Variants in ALK observed in about 807,000 individuals in gnomAD.
ALK encodes ALK receptor tyrosine kinase, also known as ALK tyrosine kinase receptor.
ALK carries 74 observed loss-of-function variants against 163.1 expected under a neutral mutation model. That is an observed-to-expected ratio of 0.45 (90% confidence interval 0.38 to 0.55). The LOEUF is 0.55. Among genes scored for constraint, ALK ranks in the 20% least tolerant of loss-of-function variants. The pLI is 0.00. For missense variants in ALK, 2,063 were observed against 2,105.3 expected (o/e 0.98, Z 0.39); for synonymous variants, 960 against 843.2 (o/e 1.14, Z -2.40).
intron 11 of ALK, among the ~76,000 whole-genome samples, chr2:29,269,999 A>T (rs1170759177): frequency 6.6e-6 from 1 of 152,250 alleles, no homozygotes. Flanking sequence ...TAACATAAGA[A>T]GCCAGATCCC....
At chr2:29,776,509 T>C (rs992761651) in intron 1 of ALK, among the ~76,000 whole-genome samples, 43 of 152,186 alleles carry the variant, frequency 2.8e-4, no homozygotes, top group African/African-American at 1.0e-3. Flanking sequence ...AGGGCTAATT[T>C]GTCCCTCTCG....
At chr2:29,700,218 A>G (rs1383794541) in intron 2 of ALK, among the ~76,000 whole-genome samples, 3 of 152,258 alleles carry the variant, frequency 2.0e-5, no homozygotes, top group South Asian at 4.2e-4. Flanking sequence ...ATCACACTCA[A>G]TGGGGACTTG....
intron 23 of ALK, among the ~76,000 whole-genome samples, chr2:29,217,875 C>T (rs1669684194): frequency 9.4e-6 from 1 of 106,608 alleles, no homozygotes; most frequent in Non-Finnish European, 1.9e-5. Context: ...ACTTTCTCTT[C>T]ATGGCACATG....
intron 1 of ALK, among the ~76,000 whole-genome samples, chr2:29,869,437 A>G (rs1418463564): frequency 3.9e-5 from 6 of 152,188 alleles, no homozygotes; most frequent in Admixed American, 3.9e-4. Context: ...CCTAACAGAG[A>G]TCAGCAGAAA....
At chr2:29,512,602 C>T (rs1573417194) in intron 4 of ALK, among the ~76,000 whole-genome samples, 1 of 148,248 alleles carries the variant, frequency 6.7e-6, no homozygotes. Context: ...CAGGGATGCC[C>T]TCTCTCACCA....
intron 5 of ALK, among the ~76,000 whole-genome samples, chr2:29,357,390 G>A (rs538057211): frequency 2.5e-4 from 38 of 152,290 alleles, no homozygotes; most frequent in South Asian, 1.7e-3. Flanking sequence ...AGCTCACGCT[G>A]ATCTTTGAAG....
chr2:29,541,583 A>G (rs1490905917), intron 3 of ALK, among the ~76,000 whole-genome samples: 2 of 152,208 alleles, frequency 1.3e-5, no homozygotes, highest in East Asian at 3.9e-4. Flanking sequence ...GAGCCACCAC[A>G]CATGGCCAAA....
chr2:29,485,723 T>C (rs748363129), intron 4 of ALK, among the ~76,000 whole-genome samples: 1 of 152,212 alleles, frequency 6.6e-6, no homozygotes, highest in Non-Finnish European at 1.5e-5. Context: ...CCTTCCTGTC[T>C]GGCTGTTTAT....
intron 4 of ALK, among the ~76,000 whole-genome samples, chr2:29,514,929 T>G (rs1672622605): frequency 6.6e-6 from 1 of 152,216 alleles, no homozygotes; most frequent in Non-Finnish European, 1.5e-5. Context: ...GTTCCATCCT[T>G]AAACTCTACA....
chr2:29,253,844 T>TTAGA (rs10539749), intron 11 of ALK, among the ~76,000 whole-genome samples: 18,700 of 143,478 alleles, frequency 0.13, 1,256 homozygotes, highest in East Asian at 0.22. Context: ...TATATCTATA[T>TTAGA]TAGATAGATA....
chr2:29,832,050 T>A (rs558977158), intron 1 of ALK, among the ~76,000 whole-genome samples: 2 of 152,292 alleles, frequency 1.3e-5, no homozygotes, highest in South Asian at 4.2e-4. Flanking sequence ...TGAGTACAGG[T>A]GAGTCTTCAC....
At chr2:29,489,723 A>G (rs1177261982) in intron 4 of ALK, among the ~76,000 whole-genome samples, 1 of 152,222 alleles carries the variant, frequency 6.6e-6, no homozygotes, top group Non-Finnish European at 1.5e-5. Context: ...GACACCCTGG[A>G]GCCTGGACCG....
At chr2:29,795,731 CTT>C (rs71677774) in intron 1 of ALK, among the ~76,000 whole-genome samples, 428 of 152,242 alleles carry the variant, frequency 2.8e-3, no homozygotes, top group African/African-American at 9.9e-3. Context: ...CAACTCTAGT[CTT>C]TAAACTCACA....
chr2:29,659,779 C>G (rs141693409), intron 3 of ALK, among the ~76,000 whole-genome samples: 1 of 152,058 alleles, frequency 6.6e-6, no homozygotes, highest in Non-Finnish European at 1.5e-5. Context: ...TACTACAGAC[C>G]GGATAATGTT....
chr2:29,396,142 A>G (rs1268079977), intron 4 of ALK, among the ~76,000 whole-genome samples: 1 of 152,148 alleles, frequency 6.6e-6, no homozygotes, highest in Non-Finnish European at 1.5e-5. Flanking sequence ...TGGTGCTCTG[A>G]GCCCTCTTGG....
chr2:29,771,012 C>CACAA (rs1553359493), intron 1 of ALK, among the ~76,000 whole-genome samples: 1 of 151,398 alleles, frequency 6.6e-6, no homozygotes, highest in Non-Finnish European at 1.5e-5. Context: ...TGCACACATA[C>CACAA]ACAAATACAC....
chr2:29,771,797 G>A (rs1681035738), intron 1 of ALK, among the ~76,000 whole-genome samples: 1 of 151,936 alleles, frequency 6.6e-6, no homozygotes, highest in Admixed American at 6.5e-5. Context: ...ACCTCCCAAA[G>A]TGCTGGGATT....
At chr2:29,231,925 G>T (rs1329637151) in intron 15 of ALK, among the ~76,000 whole-genome samples, 1 of 152,202 alleles carries the variant, frequency 6.6e-6, no homozygotes, top group South Asian at 2.1e-4. Flanking sequence ...TACCATGGGG[G>T]TCTAGGAGGC....
intron 3 of ALK, among the ~76,000 whole-genome samples, chr2:29,553,642 T>C (rs1221769426): frequency 2.0e-5 from 3 of 152,202 alleles, no homozygotes; most frequent in African/African-American, 7.2e-5. Flanking sequence ...AAGCTCAATA[T>C]TGCCTAATAG....
Sources: allele counts gnomAD v4.1 joint callset (sites outside exome capture counted in the v4.1 genomes callset), GRCh38; gene constraint gnomAD v4.1.1; transcripts MANE v1.5; gene names NCBI Gene and HGNC (gene_info 2026-07-23, HGNC 2026-07-21).